The following CLIP4 variants were observed in gnomAD, a reference collection of about 807,000 sequenced individuals.
CLIP4 encodes CAP-Gly domain containing linker protein family member 4, also known as CAP-Gly domain-containing linker protein 4.
Under a neutral mutation model 73.1 loss-of-function variants are expected in CLIP4, and 47 were observed. That is an observed-to-expected ratio of 0.64 (90% CI 0.51 to 0.82). The LOEUF is 0.82. Among genes scored for constraint, CLIP4 ranks in the 40% least tolerant of loss-of-function variants. The pLI is 0.00. For synonymous variants in CLIP4, 306 were observed against 295.4 expected (o/e 1.04, Z -0.37); for missense variants, 874 against 852.9 (o/e 1.02, Z -0.31).
At chr2:29,107,174 G>T (rs554822848) in intron 1 of CLIP4, among the ~76,000 whole-genome samples, 1 of 152,140 alleles carries the variant, frequency 6.6e-6, no homozygotes, top group African/African-American at 2.4e-5. Context: ...TAATCAAGAT[G>T]TTATTAAGCT....
At chr2:29,126,157 C>T (rs1056479584) in intron 2 of CLIP4, among the ~76,000 whole-genome samples, 1 of 152,128 alleles carries the variant, frequency 6.6e-6, no homozygotes, top group Non-Finnish European at 1.5e-5. Flanking sequence ...TGCACGCCAG[C>T]CTGGGCGAGA....
chr2:29,150,249 C>T (rs1484671433), intron 8 of CLIP4, among the ~76,000 whole-genome samples: 1 of 152,136 alleles, frequency 6.6e-6, no homozygotes, highest in African/African-American at 2.4e-5. Context: ...GATGGGGTTA[C>T]TCAGAAGAGA....
intron 12 of CLIP4, 70 bp downstream of exon 12, chr2:29,160,537 A>G (rs1667219904): frequency 2.6e-6 from 4 of 1,527,574 alleles, no homozygotes; most frequent in Non-Finnish European, 1.8e-6. Context: ...TTACATGTAA[A>G]TAGAATTTAA....
chr2:29,122,891 T>C (rs1274846350), intron 2 of CLIP4, among the ~76,000 whole-genome samples: 2 of 151,424 alleles, frequency 1.3e-5, no homozygotes, highest in African/African-American at 2.4e-5. Context: ...TAGACTCTTA[T>C]GAACCTTTCC....
rs1163543884 is a variant in CLIP4, at chr2:29,140,737, ACCTGTT to A, written c.649-2971_649-2966del. Among the ~76,000 whole-genome samples, 4 of 152,238 alleles carry A rather than the reference ACCTGTT, an allele frequency of 2.6e-5. No homozygotes were observed. The East Asian group carries it at 7.7e-4, about 29-fold the overall frequency. On this transcript the variant is annotated intron_variant, in intron 6 of 15. Transcript: ENST00000320081. ...CCTGTTTCTCCACATCCTCTCCAGC[ACCTGTT>A]GTTTCCTGACATTTTAATGATCGCC...
chr2:29,123,375 T>C (rs547097342), intron 2 of CLIP4, among the ~76,000 whole-genome samples: 2 of 152,274 alleles, frequency 1.3e-5, no homozygotes, highest in East Asian at 3.9e-4. Context: ...GCTGGAGATA[T>C]CAGTGACCAA....
chr2:29,106,681 T>C (rs1668216332), intron 1 of CLIP4, among the ~76,000 whole-genome samples: 1 of 152,194 alleles, frequency 6.6e-6, no homozygotes, highest in African/African-American at 2.4e-5. Context: ...GAGTGAATCT[T>C]GCACTTGATT....
chr2:29,175,691 C>T (rs1040472545), intron 15 of CLIP4: 1 of 152,172 alleles, frequency 6.6e-6, no homozygotes, highest in Non-Finnish European at 1.5e-5. Flanking sequence ...TTTAGTAATA[C>T]TTATACAGGT....
chr2:29,113,845 C>T (rs554416815), upstream of CLIP4, among the ~76,000 whole-genome samples: 160 of 152,304 alleles, frequency 1.1e-3, no homozygotes, highest in Non-Finnish European at 1.7e-3. The surrounding 1 kb of genome is among the most constrained non-coding windows in gnomAD (Gnocchi z 4.0). Context: ...GACAATTGGC[C>T]TCATTTATAG....
At chr2:29,141,677 C>T (rs1380309524) in intron 6 of CLIP4, among the ~76,000 whole-genome samples, 1 of 152,076 alleles carries the variant, frequency 6.6e-6, no homozygotes, top group Non-Finnish European at 1.5e-5. Flanking sequence ...CTCTCTCCAG[C>T]CTTTTACTTT....
intron 9 of CLIP4, among the ~76,000 whole-genome samples, chr2:29,153,397 T>C (rs145891855): frequency 1.3e-5 from 2 of 152,310 alleles, no homozygotes; most frequent in Non-Finnish European, 2.9e-5. Flanking sequence ...GTGCAGTAAT[T>C]TGACTTCTGC....
intron 5 of CLIP4, among the ~76,000 whole-genome samples, chr2:29,134,347 G>A (rs188765115): frequency 0.011 from 1,627 of 152,018 alleles, 27 homozygotes; most frequent in African/African-American, 0.038. Flanking sequence ...TTCTCTTGGG[G>A]CCCAATTTTC....
intron 5 of CLIP4, among the ~76,000 whole-genome samples, chr2:29,134,751 C>A (rs1665229096): frequency 6.6e-6 from 1 of 152,092 alleles, no homozygotes; most frequent in South Asian, 2.1e-4. Flanking sequence ...ATTCCCAAAT[C>A]TGGAGGATTT....
At chr2:29,133,981 A>G (rs1473324057) in intron 5 of CLIP4, among the ~76,000 whole-genome samples, 165 bp downstream of exon 5, 1 of 152,158 alleles carries the variant, frequency 6.6e-6, no homozygotes, top group African/African-American at 2.4e-5. Flanking sequence ...ATTGAGTATT[A>G]ATTACTATCT....
At chr2:29,139,572 G>A (rs142698131) in intron 6 of CLIP4, among the ~76,000 whole-genome samples, 10 of 152,138 alleles carry the variant, frequency 6.6e-5, no homozygotes, top group African/African-American at 9.6e-5. Flanking sequence ...GCTCCTCCTC[G>A]TATGTTTGGT....
rs1666081247 is a variant in CLIP4 at position 29,145,339 on chromosome 2, C to G, written c.993C>G (p.Val331=). The G allele has an allele frequency of 1.9e-6, 3 of 1,612,218 alleles. No individual in the cohort carries two copies. Among genetic ancestry groups the G allele is most frequent in the Non-Finnish European group, 2.5e-6 (3 of 1,178,518 alleles). The change falls in exon 8 of 16, where the codon GTC becomes GTG. Residue 331 remains valine (V), a synonymous_variant. Transcript: ENST00000320081. ...EGKNNGSVGK[V]QYFKCAPKYG... is the part of the protein sequence containing the mutation. ...AAAATAATGGAAGTGTTGGAAAAGT[C>G]CAGTACTTTAAATGTGCCCCCAAGT...
chr2:29,180,160 T>G (rs943318130), intron 15 of CLIP4, among the ~76,000 whole-genome samples: 2 of 152,150 alleles, frequency 1.3e-5, no homozygotes, highest in African/African-American at 4.8e-5. Context: ...GGGGTTTCTT[T>G]TGGAGGAGAG....
At chr2:29,138,334 G>T (rs796862716) in intron 6 of CLIP4, among the ~76,000 whole-genome samples, 9 of 152,004 alleles carry the variant, frequency 5.9e-5, no homozygotes, top group African/African-American at 1.7e-4. Context: ...TATTTCAGGG[G>T]TCTCTATTCT....
rs796180363 is a variant in CLIP4, at chr2:29,107,358, GTTTTT to G, written c.-16+9438_-16+9442del. On this transcript the variant is annotated intron_variant, in intron 1 of 14. Coordinates refer to the CLIP4 transcript ENST00000401605. ...ATTTCTAAATTCCTGGAACATGATAGTTTTTTTTTTTTTTTTTTTTTTTTTTTTTT... is the reference window on the plus strand; with the variant it reads ...ATTTCTAAATTCCTGGAACATGATAGTTTTTTTTTTTTTTTTTTTTTTTTT... Among the ~76,000 whole-genome samples the G allele has an allele frequency of 5.1e-3, 331 of 65,360 alleles. 6 individuals are homozygous for G. The highest frequency in any genetic ancestry group is 0.019 in the Middle Eastern group (1 of 54). The allele number at this position is 65,360 out of a possible 152,430, so 42.9% of individuals were successfully genotyped here. A position where few individuals can be genotyped will look rare whatever the true frequency, so the allele number is the denominator to read the frequency against.
Sources: allele counts gnomAD v4.1 joint callset (sites outside exome capture counted in the v4.1 genomes callset), GRCh38; gene constraint gnomAD v4.1.1; non-coding constraint Gnocchi (gnomAD v3.1); transcripts MANE v1.5; gene names NCBI Gene and HGNC (gene_info 2026-07-23, HGNC 2026-07-21).